SLC12A1: variants seen among roughly 807,000 people sequenced by gnomAD.
SLC12A1 encodes the protein Na-K-2Cl cotransporter.
SLC12A1 carries 89 observed loss-of-function variants against 130.4 expected under a neutral mutation model. The observed-to-expected ratio is 0.68, with a 90% CI of 0.58 to 0.81. SLC12A1 has a LOEUF of 0.81. Ranked by LOEUF, SLC12A1 falls within the 40% of genes least tolerant of loss-of-function variation. SLC12A1 has a pLI of 0.00. For synonymous variants in SLC12A1, 499 were observed against 460.0 expected (o/e 1.08, Z -1.09); for missense variants, 1,310 against 1,336.4 (o/e 0.98, Z 0.31).
At chr15:48,257,166 C>T (rs532396798) in intron 16 of SLC12A1, among the ~76,000 whole-genome samples, 425 of 152,330 alleles carry the variant, frequency 2.8e-3, no homozygotes, top group Admixed American at 4.2e-3. Flanking sequence ...TGTCTCATAT[C>T]CAGGTCATGT....
In SLC12A1 at chr15:48,288,062, C is replaced by G; in HGVS notation, c.2649C>G (p.Ser883Arg). 1.2e-6 allele frequency: 2 copies of G among 1,610,954 alleles called. No homozygotes were observed. Among genetic ancestry groups the G allele is most frequent in the Non-Finnish European group, 1.7e-6 (2 of 1,178,624 alleles). The part of the protein sequence containing the change: ...TPKKDGSINT[S>R]QSMHVGEFNQ... ...TTTCAGATGGCAGCATTAACACAAG[C>G]CAGTCGATGCATGTGGGAGAGTTCA... Residue 883 changes from serine (S) to arginine (R), a missense_variant, in exon 22 of 27, where the codon AGC becomes AGG. By Grantham distance (110) the Ser-to-Arg change is moderately radical. Transcript: ENST00000380993.
intron 9 of SLC12A1, among the ~76,000 whole-genome samples, chr15:48,240,096 T>TATATATATATATATCC (rs2041497804): frequency 8.0e-6 from 1 of 124,680 alleles, no homozygotes; most frequent in African/African-American, 3.7e-5. Context: ...TATATCCATA[T>TATATATATATATATCC]ATATATATAT....
intron 18 of SLC12A1, among the ~76,000 whole-genome samples, chr15:48,268,820 A>C (rs980767820): frequency 8.5e-5 from 13 of 152,188 alleles, no homozygotes; most frequent in Non-Finnish European, 1.8e-4. Flanking sequence ...CATTTATTAT[A>C]AAATTATCAT....
chr15:48,228,727 T>G (rs1168206224), intron 5 of SLC12A1: 2 of 166,018 alleles, frequency 1.2e-5, no homozygotes, highest in Admixed American at 1.2e-4. Flanking sequence ...TCTATATATG[T>G]GTAAATATAT....
intron 9 of SLC12A1, among the ~76,000 whole-genome samples, chr15:48,238,147 T>G (rs551317226): frequency 5.3e-5 from 8 of 152,250 alleles, no homozygotes; most frequent in African/African-American, 1.4e-4. Context: ...CCTTCTGATA[T>G]TCTCACATCA....
At chr15:48,292,006 G>A in intron 24 of SLC12A1, 142 bp downstream of exon 24, 1 of 606,966 alleles carries the variant, frequency 1.6e-6, no homozygotes, top group South Asian at 2.2e-5. Flanking sequence ...CTTCAAATAA[G>A]CATGACATGG....
Position 48,241,554 on chromosome 15 carries a change from A to G in SLC12A1, c.1255A>G (p.Ile419Val), listed in dbSNP as rs2041515939. The change falls in exon 10 of 27, where the codon ATT (isoleucine) becomes GTT (valine). Residue 419 changes from isoleucine (I) to valine (V), a missense_variant. Transcript: ENST00000380993. ...CATCCCCAGAGGAACCATGCTGGCC[A>G]TTTTCATCACCACTGTTGCCTACTT... ...DAIPRGTMLA[I>V]FITTVAYLGV... 6.2e-7 allele frequency: 1 copy of G among 1,613,724 alleles called. No homozygotes were observed. Among genetic ancestry groups the G allele is most frequent in the African/African-American group, 1.3e-5 (1 of 74,888 alleles).
At chr15:48,300,296 G>A (rs1187143741) in intron 25 of SLC12A1, among the ~76,000 whole-genome samples, 1 of 151,224 alleles carries the variant, frequency 6.6e-6, no homozygotes, top group Non-Finnish European at 1.5e-5. Flanking sequence ...CTGTACTCTA[G>A]TCTGGATGAT....
At chr15:48,226,855 T>C in intron 5 of SLC12A1, 2 of 596,762 alleles carry the variant, frequency 3.4e-6, no homozygotes, top group Non-Finnish European at 5.9e-6. Flanking sequence ...TGCACACCTC[T>C]AGCTGATGTT....
intron 16 of SLC12A1, among the ~76,000 whole-genome samples, chr15:48,257,895 G>C (rs920853870): frequency 4.6e-5 from 7 of 152,132 alleles, no homozygotes; most frequent in Admixed American, 6.6e-5. Flanking sequence ...CCCAGAACAT[G>C]GTTTTTTCCT....
chr15:48,214,798 T>G (rs947252308), intron 2 of SLC12A1, among the ~76,000 whole-genome samples: 4 of 152,166 alleles, frequency 2.6e-5, no homozygotes, highest in Non-Finnish European at 4.4e-5. Context: ...TTTGGCCATA[T>G]GTTGATCATT....
At chr15:48,281,675 T>C (rs1229840371) in intron 20 of SLC12A1, among the ~76,000 whole-genome samples, 2 of 152,206 alleles carry the variant, frequency 1.3e-5, no homozygotes, top group African/African-American at 4.8e-5. Flanking sequence ...GGGAGAATAA[T>C]ACCAGCTCTG....
chr15:48,288,466 AAGAATCTATGTGGG>A lies in SLC12A1; in HGVS notation c.2826_2839del (p.Ile943GlufsTer6), dbSNP rs2042083172. 1 of 1,555,318 alleles carries A rather than the reference AAGAATCTATGTGGG, an allele frequency of 6.4e-7. No individual in the cohort carries two copies. The highest frequency in any genetic ancestry group is 1.2e-5 in the South Asian group (1 of 84,432). On this transcript the variant is annotated frameshift_variant, in exon 23 of 27. Transcript: ENST00000380993. LOFTEE classifies it high-confidence loss of function. The stretch of plus-strand genomic sequence containing the variant: ...GAAAAAAATGGAAAGACTGTAAATT[AAGAATCTATGTGGG>A]AGGGAAGATCAACCGCATTGAAGAA...
At chr15:48,232,664 T>C in intron 7 of SLC12A1, 63 bp from the exon 8 acceptor site, 2 of 1,047,320 alleles carry the variant, frequency 1.9e-6, no homozygotes, top group Non-Finnish European at 3.0e-6. Context: ...TTCTAACTTT[T>C]ATAATTATGT....
chr15:48,269,041 C>A (rs1361811790), intron 18 of SLC12A1, among the ~76,000 whole-genome samples: 2 of 152,102 alleles, frequency 1.3e-5, no homozygotes, highest in East Asian at 3.8e-4. Context: ...TAGCACTATG[C>A]AATTCATAGG....
chr15:48,268,394 G>A (rs369006360), intron 18 of SLC12A1, among the ~76,000 whole-genome samples: 3 of 152,072 alleles, frequency 2.0e-5, no homozygotes, highest in Non-Finnish European at 2.9e-5. Context: ...TTGGCTTTCC[G>A]AGCATTTTGG....
intron 21 of SLC12A1, among the ~76,000 whole-genome samples, chr15:48,287,171 G>A (rs969571650): frequency 7.2e-5 from 11 of 152,112 alleles, no homozygotes; most frequent in Admixed American, 2.0e-4. Flanking sequence ...GAAATGCTAC[G>A]TACGCTGTGG....
At position 48,289,079 on chromosome 15, in the gene SLC12A1, T is replaced by C. The variant is rs148904967; in HGVS notation, c.2873+563T>C. On this transcript the variant is annotated intron_variant, in intron 23 of 26. Transcript: ENST00000380993. ...GTTTGAAAGAGTTTAAAGGGATGAC[T>C]GTAGAGAACTCTTAATTAAAAAAAA... 4.2e-3 allele frequency among the ~76,000 whole-genome samples: 626 copies of C among 148,272 alleles called. 23 individuals are homozygous for C. The East Asian group carries it at 0.095, about 22-fold the overall frequency.
chr15:48,240,072 C>G (rs958364502), intron 9 of SLC12A1, among the ~76,000 whole-genome samples: 7 of 52,098 alleles, frequency 1.3e-4, no homozygotes, highest in African/African-American at 4.8e-4. Flanking sequence ...TATATATATC[C>G]ATATATATAT....
Sources: gnomAD v4.1 joint callset for allele counts (sites outside exome capture counted in the v4.1 genomes callset) on GRCh38, gnomAD v4.1.1 for gene constraint, MANE v1.5 for transcripts, NCBI Gene and HGNC (gene_info 2026-07-23, HGNC 2026-07-21) for gene names.